The following NUDT7 variants were observed in gnomAD, a reference collection of about 807,000 sequenced individuals.
NUDT7 encodes peroxisomal coenzyme A diphosphatase NUDT7.
NUDT7 carries 19 observed loss-of-function variants against 13.1 expected under a neutral mutation model. The ratio of observed to expected loss-of-function variants is 1.45; its 90% confidence interval spans 1.01 to 2.13. NUDT7 has a LOEUF of 2.13. Ranked by LOEUF, NUDT7 falls within the 30% of genes most tolerant of loss-of-function variation. NUDT7 has a pLI of 0.00. For missense variants in NUDT7, 360 were observed against 291.7 expected (o/e 1.23, Z -1.71); for synonymous variants, 132 against 109.7 (o/e 1.20, Z -1.27).
At chr16:77,736,156 AC>A (rs1211762784) in intron 3 of NUDT7, 170 bp downstream of exon 3, 2 of 592,340 alleles carry the variant, frequency 3.4e-6, no homozygotes, top group East Asian at 5.6e-5. Context: ...GCTATGGGCA[AC>A]CCCTTTTGCC....
intron 2 of NUDT7, among the ~76,000 whole-genome samples, chr16:77,733,306 AGATTTG>A (rs2145118414): frequency 6.6e-6 from 1 of 152,300 alleles, no homozygotes; most frequent in Admixed American, 6.5e-5. Context: ...AGCTGCCAGA[AGATTTG>A]GAGTCTGGTG....
chr16:77,729,717 C>CG (rs1567428261), intron 2 of NUDT7, among the ~76,000 whole-genome samples: 1 of 151,910 alleles, frequency 6.6e-6, no homozygotes, highest in Non-Finnish European at 1.5e-5. Context: ...TCCAGCTACT[C>CG]GCGAGGCTGA....
chr16:77,729,572 T>C (rs1040296011), intron 2 of NUDT7, among the ~76,000 whole-genome samples: 11 of 152,176 alleles, frequency 7.2e-5, no homozygotes, highest in Non-Finnish European at 1.0e-4. Context: ...ACACCTGTAA[T>C]CCCAGCATTT....
At chr16:77,726,656 G>C (rs1294597493) in intron 2 of NUDT7, among the ~76,000 whole-genome samples, 2 of 152,080 alleles carry the variant, frequency 1.3e-5, no homozygotes, top group African/African-American at 4.8e-5. Flanking sequence ...AATTAGCCAG[G>C]CATGGTGGCA....
chr16:77,725,680 C>A, intron 2 of NUDT7, 96 bp downstream of exon 2: 1 of 1,136,880 alleles, frequency 8.8e-7, no homozygotes, highest in Non-Finnish European at 1.3e-6. Flanking sequence ...CCAAAATTCT[C>A]AAAAGGGCTT....
At chr16:77,736,073 A>G (rs2014476246) in intron 3 of NUDT7, 87 bp downstream of exon 3, 1 of 1,245,240 alleles carries the variant, frequency 8.0e-7, no homozygotes, top group Admixed American at 1.9e-5. Context: ...TCCAAACATA[A>G]CCCCAAAGAG....
At chr16:77,734,732 C>T (rs1474007199) in intron 2 of NUDT7, among the ~76,000 whole-genome samples, 2 of 152,076 alleles carry the variant, frequency 1.3e-5, no homozygotes, top group East Asian at 3.9e-4. Context: ...AAGGAAGTAC[C>T]AATACACGTA....
intron 2 of NUDT7, among the ~76,000 whole-genome samples, chr16:77,732,121 A>G (rs1477179771): frequency 1.3e-5 from 2 of 152,160 alleles, no homozygotes; most frequent in Non-Finnish European, 2.9e-5. Context: ...TGAGGTCAGG[A>G]GTTCGAGACC....
rs377455947 is a variant in NUDT7, at chr16:77,741,751, A to G, written c.518A>G (p.His173Arg). Residue 173 changes from histidine to arginine, a missense_variant, in exon 4 of 4, where the codon CAT becomes CGT. Transcript: ENST00000268533. ...CGTCTTGGTCACCGTTTTATTAATC[A>G]TATCTTTGAGTACACAAACCCTGAA... ...VTRLGHRFIN[H>R]IFEYTNPEDG... The G allele has an allele frequency of 8.1e-6, 13 of 1,614,000 alleles. No individual in the cohort carries two copies. In the African/African-American group the frequency reaches 1.1e-4, roughly 13 times the overall value.
rs1376958556 is a variant in NUDT7 at position 77,736,143 on chromosome 16, G to T, written c.348+157G>T. The T allele has an allele frequency of 1.1e-5, 7 of 654,074 alleles. No homozygotes were observed. In the East Asian group the frequency reaches 1.7e-4, roughly 15 times the overall value. 40.5% of individuals were successfully genotyped at this position (654,074 alleles called of 1,614,324 possible). The stretch of plus-strand genomic sequence containing the variant: ...ACAGACATTGCCCCTCATGAGTCAA[G>T]TGGCTATGGGCAACCCCTTTTGCCT... On this transcript the variant is annotated intron_variant, in intron 3 of 3. Coordinates refer to ENST00000268533, the MANE Select transcript of NUDT7 (RefSeq NM_001105663.3).
chr16:77,732,235 G>A (rs2014340294), intron 2 of NUDT7, among the ~76,000 whole-genome samples: 1 of 151,996 alleles, frequency 6.6e-6, no homozygotes, highest in African/African-American at 2.4e-5. Context: ...GGCTGAGGCA[G>A]GAGAATCACT....
At position 77,735,385 on chromosome 16, in the gene NUDT7, C is replaced by G. The variant is rs1488138380; in HGVS notation, c.190-443C>G. 5.4e-6 allele frequency: 3 copies of G among 555,734 alleles called. No individual in the cohort carries two copies. The South Asian group carries it at 8.0e-5, about 15-fold the overall frequency. The allele number at this position is 555,734 out of a possible 1,614,324, so 34.4% of individuals were successfully genotyped here. A position where few individuals can be genotyped will look rare whatever the true frequency, so the allele number is the denominator to read the frequency against. On this transcript the variant is annotated intron_variant, in intron 2 of 3. Transcript: ENST00000268533. ...CACCTCCCCTCCCTCTCTCTGTCTC[C>G]CGCTCCAGCCATGTGAAGTGCTTGC...
At chr16:77,739,822 G>A (rs1225650322) in intron 3 of NUDT7, among the ~76,000 whole-genome samples, 1 of 152,120 alleles carries the variant, frequency 6.6e-6, no homozygotes, top group Non-Finnish European at 1.5e-5. Context: ...TTCACCTCTG[G>A]CAAGGTAGTC....
At chr16:77,741,232 A>T (rs1431537882) in intron 3 of NUDT7, among the ~76,000 whole-genome samples, 1 of 152,200 alleles carries the variant, frequency 6.6e-6, no homozygotes, top group East Asian at 1.9e-4. Context: ...TCAGGTTTAT[A>T]CTTGTGTCTT....
At chr16:77,735,161 C>G (rs2014438055) in intron 2 of NUDT7, among the ~76,000 whole-genome samples, 3 of 152,036 alleles carry the variant, frequency 2.0e-5, no homozygotes, top group African/African-American at 7.2e-5. Flanking sequence ...CTTTTTCCCC[C>G]TAGCAGTGTC....
chr16:77,733,149 A>T (rs1481462187), intron 2 of NUDT7, among the ~76,000 whole-genome samples: 1 of 152,224 alleles, frequency 6.6e-6, no homozygotes, highest in East Asian at 1.9e-4. Flanking sequence ...TGCCCAAATG[A>T]GGCTGAAGCC....
chr16:77,736,675 A>T, intron 3 of NUDT7: 1 of 286,210 alleles, frequency 3.5e-6, no homozygotes. Context: ...TATGTTGATG[A>T]GGCTGGTCTC....
chr16:77,735,908 C>G lies in NUDT7; in HGVS notation c.270C>G (p.Leu90=), dbSNP rs921869689. The change falls in exon 3 of 4, where the codon CTC becomes CTG. Residue 90 remains leucine (L), a synonymous_variant. Transcript: ENST00000268533. Reference sequence around the variant, plus strand: ...ACATGGATGATGCAGCCACAGCTCTCCGGGAAGCCCAGGAGGAAGTGGGTC... The same window carrying G: ...ACATGGATGATGCAGCCACAGCTCTGCGGGAAGCCCAGGAGGAAGTGGGTC... ...PTDMDDAATA[L]REAQEEVGLR... The G allele has an allele frequency of 6.2e-7, 1 of 1,614,036 alleles. No homozygotes were observed. The highest frequency in any genetic ancestry group is 8.5e-7 in the Non-Finnish European group (1 of 1,179,952).
chr16:77,723,938 T>A (rs188489839), intron 1 of NUDT7, among the ~76,000 whole-genome samples: 73 of 152,272 alleles, frequency 4.8e-4, no homozygotes, highest in African/African-American at 1.8e-3. Context: ...AATAGCTGAT[T>A]CTGCCCACTA....
Sources: allele counts gnomAD v4.1 joint callset (sites outside exome capture counted in the v4.1 genomes callset), GRCh38; gene constraint gnomAD v4.1.1; transcripts MANE v1.5; gene names NCBI Gene and HGNC (gene_info 2026-07-23, HGNC 2026-07-21).